TBCD: variants seen among roughly 807,000 people sequenced by gnomAD.
The protein encoded by TBCD is tubulin-specific chaperone D.
In TBCD, 105 loss-of-function variants were observed where a neutral mutation model predicts 169.3. That is an observed-to-expected ratio of 0.62 (90% CI 0.53 to 0.73). TBCD has a LOEUF of 0.73. TBCD is among the 30% of genes least tolerant of loss of function. The pLI is 0.00. For missense variants in TBCD, 1,444 were observed against 1,600.1 expected (o/e 0.90, Z 1.66); for synonymous variants, 700 against 643.9 (o/e 1.09, Z -1.32).
At chr17:82,876,029 A>T (rs2057945129) in intron 14 of TBCD, among the ~76,000 whole-genome samples, 1 of 152,176 alleles carries the variant, frequency 6.6e-6, no homozygotes. Flanking sequence ...TAAATGTCTG[A>T]CTTTCAAATG....
At chr17:82,928,037 C>A in intron 30 of TBCD, 49 bp downstream of exon 30, 1 of 1,565,724 alleles carries the variant, frequency 6.4e-7, no homozygotes, top group Non-Finnish European at 8.7e-7. Flanking sequence ...CAGCCCCGAG[C>A]TTGGGGAGGC....
intron 14 of TBCD, among the ~76,000 whole-genome samples, chr17:82,879,841 C>T (rs1263490226): frequency 1.3e-5 from 2 of 151,776 alleles, no homozygotes; most frequent in South Asian, 2.1e-4. Flanking sequence ...ATTCTGGCTT[C>T]GTTGACTTGG....
At chr17:82,887,158 TGTGTGTGTGTGCGC>T (rs1447410991) in intron 15 of TBCD, among the ~76,000 whole-genome samples, 1 of 108,148 alleles carries the variant, frequency 9.2e-6, no homozygotes, top group African/African-American at 4.6e-5. Context: ...TGTGTGTGTG[TGTGTGTGTGTGCGC>T]GCGCGCGCAC....
At chr17:82,898,371 T>C (rs1489521274) in intron 17 of TBCD, among the ~76,000 whole-genome samples, 1 of 150,422 alleles carries the variant, frequency 6.6e-6, no homozygotes, top group African/African-American at 2.5e-5. Context: ...ACGGCACGGC[T>C]CTGGGTTTTG....
At chr17:82,912,528 G>T (rs2060718789) in intron 23 of TBCD, among the ~76,000 whole-genome samples, 1 of 152,254 alleles carries the variant, frequency 6.6e-6, no homozygotes, top group Non-Finnish European at 1.5e-5. Context: ...CCCTGCTGTT[G>T]TGGACAGCCC....
intron 14 of TBCD, among the ~76,000 whole-genome samples, chr17:82,883,159 C>A (rs538207314): frequency 6.6e-6 from 1 of 152,258 alleles, no homozygotes; most frequent in Non-Finnish European, 1.5e-5. Flanking sequence ...CCCCGCCCCA[C>A]GGCTCAGGTC....
At chr17:82,937,716 G>GAC in intron 35 of TBCD, 1 of 705,646 alleles carries the variant, frequency 1.4e-6, no homozygotes, top group Non-Finnish European at 2.3e-6. Context: ...CGCTCAGGTG[G>GAC]ACACTGGGCA....
intron 21 of TBCD, chr17:82,908,577 A>G (rs969955930): frequency 6.3e-6 from 2 of 318,730 alleles, no homozygotes; most frequent in East Asian, 1.0e-4. Flanking sequence ...TATTTTTGCC[A>G]TTAACTTTCA....
In TBCD at chr17:82,864,107, T is replaced by C. The variant is rs1353104965; in HGVS notation, c.1319-6117T>C. Among the ~76,000 whole-genome samples, 1 of 152,246 alleles carries C rather than the reference T, an allele frequency of 6.6e-6. No homozygotes were observed. Among genetic ancestry groups the C allele is most frequent in the African/African-American group, 2.4e-5 (1 of 41,460 alleles). On this transcript the variant is annotated intron_variant, in intron 13 of 38. Coordinates refer to ENST00000355528, the MANE Select transcript of TBCD (RefSeq NM_005993.5). This position sits in a 1 kb window ranked among gnomAD's most constrained non-coding sequence, Gnocchi z 6.3. ...GAAGGGAGCTGCCTGCTGTTGACGC[T>C]CCACAGGAGGTTTGCGGCATGGCTG...
intron 13 of TBCD, among the ~76,000 whole-genome samples, chr17:82,815,228 C>T (rs1273887328): frequency 1.3e-5 from 2 of 152,358 alleles, no homozygotes; most frequent in East Asian, 3.9e-4. Flanking sequence ...TTTAATGCCA[C>T]AGATTACCCT....
chr17:82,798,505 C>T (rs993423871), intron 8 of TBCD, among the ~76,000 whole-genome samples: 1 of 152,196 alleles, frequency 6.6e-6, no homozygotes, highest in Non-Finnish European at 1.5e-5. Context: ...TAGTCTTGAA[C>T]TGCTGACCTA....
chr17:82,778,127 A>G (rs1427932740), intron 6 of TBCD, among the ~76,000 whole-genome samples: 1 of 152,256 alleles, frequency 6.6e-6, no homozygotes, highest in Admixed American at 6.5e-5. Flanking sequence ...ATATTGGAAT[A>G]AAGAATAATT....
At chr17:82,844,205 C>CTGTGTGTGTGTGTGTGTG (rs2054795659) in intron 13 of TBCD, among the ~76,000 whole-genome samples, 1 of 5,794 alleles carries the variant, frequency 1.7e-4, no homozygotes. Flanking sequence ...TGGATGTTCT[C>CTGTGTGTGTGTGTGTGTG]CGTGTGTGTG....
At position 82,752,192 on chromosome 17, in the gene TBCD, A is replaced by G. The variant is rs1009066475; in HGVS notation, c.-2A>G. 7.0e-5 allele frequency: 107 copies of G among 1,518,080 alleles called. No individual in the cohort carries two copies. The highest frequency in any genetic ancestry group is 8.5e-5 in the Non-Finnish European group (97 of 1,135,342). The allele number at this position is 1,518,080 out of a possible 1,614,324, so 94.0% of individuals were successfully genotyped here. On this transcript the variant is annotated 5_prime_UTR_variant, in exon 1 of 39. Transcript: ENST00000355528. ...CGGGGGCGCGGTCCCCAGGCTGCCG[A>G]GATGGCCCTGAGCGACGAACCGGCC...
intron 17 of TBCD, among the ~76,000 whole-genome samples, chr17:82,896,821 G>T (rs553810308): frequency 2.6e-5 from 4 of 152,212 alleles, no homozygotes; most frequent in Admixed American, 1.3e-4. Flanking sequence ...ACGCGCCCCC[G>T]GTGCTGGATG....
intron 12 of TBCD, among the ~76,000 whole-genome samples, chr17:82,813,553 G>T (rs571841620): frequency 1.3e-5 from 2 of 152,182 alleles, no homozygotes; most frequent in East Asian, 1.9e-4. Context: ...CCTTGCCACC[G>T]TGCCACAGTG....
At chr17:82,901,579 G>A (rs985410001) in intron 18 of TBCD, among the ~76,000 whole-genome samples, 2 of 148,850 alleles carry the variant, frequency 1.3e-5, no homozygotes, top group African/African-American at 5.0e-5. Context: ...GGCTACCTGC[G>A]GTGGTCCTGC....
At chr17:82,811,133 C>T (rs957251176) in intron 12 of TBCD, among the ~76,000 whole-genome samples, 4 of 152,202 alleles carry the variant, frequency 2.6e-5, no homozygotes, top group Non-Finnish European at 5.9e-5. Context: ...TCAGGCGTGT[C>T]CCTGGAGCTC....
chr17:82,872,238 A>C lies in TBCD; in HGVS notation c.1475+1858A>C, dbSNP rs553560334. On this transcript the variant is annotated intron_variant, in intron 14 of 38. Transcript: ENST00000355528. ...TCCCTCTTGTCCTGCTCCTCTTCGG[A>C]GGAGAACAGCGCGGCTGGAGGGTGC... is the stretch of plus-strand genomic sequence containing the variant. Among the ~76,000 whole-genome samples, 23 of 152,206 alleles carry C rather than the reference A, an allele frequency of 1.5e-4. No homozygotes were observed. The East Asian group carries it at 4.2e-3, about 28-fold the overall frequency.
Sources: gnomAD v4.1 joint callset for allele counts (sites outside exome capture counted in the v4.1 genomes callset) on GRCh38, gnomAD v4.1.1 for gene constraint, Gnocchi (gnomAD v3.1) non-coding constraint, MANE v1.5 for transcripts, NCBI Gene and HGNC (gene_info 2026-07-23, HGNC 2026-07-21) for gene names.